The following MS4A18 variants were observed in gnomAD, a reference collection of about 807,000 sequenced individuals.
The protein encoded by MS4A18 is membrane spanning 4-domains A18.
A neutral mutation model predicts 13.1 loss-of-function variants in MS4A18; 27 were observed. The observed-to-expected ratio is 2.06, with a 90% CI of 1.52 to 2.84. The LOEUF (loss-of-function observed/expected upper bound fraction) is 2.84. Ranked by LOEUF, MS4A18 falls within the 30% of genes most tolerant of loss-of-function variation. MS4A18 has a pLI of 0.00. For synonymous variants in MS4A18, 126 were observed against 76.5 expected, an observed-to-expected ratio of 1.65 and a Z score of -3.38; for missense variants, 307 against 196.4, an observed-to-expected ratio of 1.56 and a Z score of -3.37.
At chr11:60,727,864 C>G (rs372814478), upstream of MS4A18, among the ~76,000 whole-genome samples, 6 of 152,272 alleles carry the variant, frequency 3.9e-5, 1 homozygote, top group African/African-American at 1.4e-4. Flanking sequence ...TCCCCAGCAT[C>G]AAAAAATTAA....
intron 3 of MS4A18, among the ~76,000 whole-genome samples, chr11:60,738,111 T>C (rs1853367957): frequency 6.6e-6 from 1 of 152,216 alleles, no homozygotes; most frequent in African/African-American, 2.4e-5. Flanking sequence ...ACTTTATACA[T>C]CTCACAGCTG....
At chr11:60,728,231 A>G (rs1467555407), upstream of MS4A18, among the ~76,000 whole-genome samples, 2 of 152,226 alleles carry the variant, frequency 1.3e-5, no homozygotes, top group East Asian at 1.9e-4. Context: ...CTCTGAAACC[A>G]ATTAATGTTG....
At chr11:60,733,490 G>C in intron 1 of MS4A18, 44 bp from the exon 3 acceptor site, 1 of 703,008 alleles carries the variant, frequency 1.4e-6, no homozygotes, top group Non-Finnish European at 2.6e-6. Flanking sequence ...ACAGCCCACA[G>C]GCCCGCAGTT....
chr11:60,739,065 A>G (rs1183161021), intron 4 of MS4A18, 68 bp downstream of exon 5: 16 of 689,688 alleles, frequency 2.3e-5, no homozygotes, highest in Middle Eastern at 2.3e-4. Flanking sequence ...TTGCCTCCCC[A>G]GAGCAGAATG....
chr11:60,729,421 C>T lies in MS4A18; in HGVS notation c.106C>T (p.Gln36Ter). Reference sequence around the variant, plus strand: ...CCCTGTGGCCTCTGGAAATCATCTGCAGCCTTCAGAGGTGACCACTTACCC... The same window carrying T: ...CCCTGTGGCCTCTGGAAATCATCTGTAGCCTTCAGAGGTGACCACTTACCC... Residue 36 changes from glutamine to a stop codon, truncating the protein, a stop_gained, in exon 1 of 6, where the codon CAG (glutamine) becomes TAG (stop). Transcript: ENST00000529108. LOFTEE classifies it high-confidence loss of function. The T allele has an allele frequency of 1.4e-6, 1 of 702,812 alleles. No homozygotes were observed. The highest frequency in any genetic ancestry group is 1.5e-5 in the South Asian group (1 of 67,594). 43.5% of individuals were successfully genotyped at this position (702,812 alleles called of 1,614,324 possible). A position where few individuals can be genotyped will look rare whatever the true frequency, so the allele number is the denominator to read the frequency against.
At chr11:60,725,623 A>T (rs944661620), upstream of MS4A18, among the ~76,000 whole-genome samples, 1 of 152,142 alleles carries the variant, frequency 6.6e-6, no homozygotes, top group South Asian at 2.1e-4. Flanking sequence ...GAGTCCTCTG[A>T]AAAAAAGGAA....
chr11:60,725,222 C>A (rs912541427), upstream of MS4A18, among the ~76,000 whole-genome samples: 21 of 152,238 alleles, frequency 1.4e-4, no homozygotes, highest in Admixed American at 3.9e-4. Flanking sequence ...GAGACGGAGT[C>A]TCGCTCTGTC....
upstream of MS4A18, chr11:60,729,156 T>C: frequency 1.7e-6 from 1 of 600,060 alleles, no homozygotes; most frequent in Non-Finnish European, 3.0e-6. Flanking sequence ...AGTGTGTTCT[T>C]GCCAAGAAAG....
chr11:60,744,242 T>G, downstream of MS4A18: 1 of 478,626 alleles, frequency 2.1e-6, no homozygotes, highest in South Asian at 2.5e-5. Flanking sequence ...CTTGGCAAAG[T>G]TCAGGGTGCA....
chr11:60,737,668 C>T (rs1325911173), intron 3 of MS4A18, among the ~76,000 whole-genome samples: 1 of 152,206 alleles, frequency 6.6e-6, no homozygotes, highest in Non-Finnish European at 1.5e-5. Context: ...CTCTAAGAAG[C>T]TTAGGGATAA....
chr11:60,728,406 G>A (rs1195035390), upstream of MS4A18, among the ~76,000 whole-genome samples: 1 of 99,906 alleles, frequency 1.0e-5, no homozygotes, highest in Non-Finnish European at 2.0e-5. Context: ...GTGTATGTAT[G>A]TGTGTGTGTG....
At chr11:60,737,170 C>T in intron 3 of MS4A18, 136 bp downstream of exon 4, 1 of 636,406 alleles carries the variant, frequency 1.6e-6, no homozygotes, top group South Asian at 1.8e-5. Context: ...TACCTTATTC[C>T]AGTCAATCCC....
In MS4A18 at chr11:60,735,637, G is replaced by A. The variant is rs183482148; in HGVS notation, c.592-1341G>A. Among the ~76,000 whole-genome samples the A allele has an allele frequency of 2.1e-3, 285 of 134,638 alleles. 2 individuals are homozygous for A. Among genetic ancestry groups the A allele is most frequent in the African/African-American group, 7.7e-3 (271 of 35,110 alleles). The allele number at this position is 134,638 out of a possible 152,430, so 88.3% of individuals were successfully genotyped here. A position where few individuals can be genotyped will look rare whatever the true frequency, so the allele number is the denominator to read the frequency against. On this transcript the variant is annotated intron_variant, in intron 2 of 5. Coordinates refer to ENST00000529108, the Ensembl canonical transcript of MS4A18. ...CAAGCGTGAGCCACGGCGGCTGGCC[G>A]ATTTAATGTTTTTCATTCCCTTGCT...
At position 60,736,846 on chromosome 11, in the gene MS4A18, C is replaced by T. The variant is rs78242974; in HGVS notation, c.592-132C>T. The T allele has an allele frequency of 9.8e-4, 611 of 620,366 alleles. 7 individuals are homozygous for T. In the East Asian group the frequency reaches 0.017, roughly 17 times the overall value. The allele number at this position is 620,366 out of a possible 1,614,324, so 38.4% of individuals were successfully genotyped here. The stretch of plus-strand genomic sequence containing the variant: ...AGTAAAAATGTTGGGAGGAAATAAA[C>T]AGATTTGCACATTTTGTGAAACAAG... On this transcript the variant is annotated intron_variant, in intron 2 of 5. Coordinates refer to ENST00000529108, the Ensembl canonical transcript of MS4A18.
chr11:60,742,297 C>T (rs114103307), intron 5 of MS4A18, among the ~76,000 whole-genome samples: 308 of 152,316 alleles, frequency 2.0e-3, no homozygotes, highest in African/African-American at 7.2e-3. Context: ...TCTCAATCTG[C>T]TTCCCATATT....
chr11:60,744,754 T>A (rs917976075), downstream of MS4A18, among the ~76,000 whole-genome samples: 14 of 152,212 alleles, frequency 9.2e-5, no homozygotes, highest in Admixed American at 7.8e-4. Flanking sequence ...AATAAGCGTA[T>A]GAAAAGATGT....
At chr11:60,729,841 A>G in intron 1 of MS4A18, 55 bp downstream of exon 2, 1 of 653,280 alleles carries the variant, frequency 1.5e-6, no homozygotes, top group South Asian at 1.7e-5. Flanking sequence ...GCCCTCGTCT[A>G]GTGCTCTGGG....
At chr11:60,744,397 G>A (rs550121241), downstream of MS4A18, among the ~76,000 whole-genome samples, 91 of 152,304 alleles carry the variant, frequency 6.0e-4, 1 homozygote, top group South Asian at 0.016. Flanking sequence ...AGAGGAGGGG[G>A]AGCAATGTGG....
chr11:60,729,630 G>C (rs564269255), exon 1 of MS4A18: 1 of 702,614 alleles, frequency 1.4e-6, no homozygotes, highest in Non-Finnish European at 2.6e-6. Flanking sequence ...AGGGAACCAC[G>C]AATCTCCAGA....
Sources: gnomAD v4.1 joint callset for allele counts (sites outside exome capture counted in the v4.1 genomes callset) on GRCh38, gnomAD v4.1.1 for gene constraint, MANE v1.5 for transcripts, NCBI Gene and HGNC (gene_info 2026-07-23, HGNC 2026-07-21) for gene names.